The following ADAMTSL1 variants were observed in gnomAD, a reference collection of about 807,000 sequenced individuals.
The protein encoded by ADAMTSL1 is ADAMTS like 1, also known as ADAMTS-like protein 1.
ADAMTSL1 carries 126 observed loss-of-function variants against 201.8 expected under a neutral mutation model. The ratio of observed to expected loss-of-function variants is 0.62; its 90% CI spans 0.54 to 0.72. The LOEUF is 0.72. Among genes scored for constraint, ADAMTSL1 ranks in the 30% least tolerant of loss-of-function variants. The pLI is 0.00. For missense variants in ADAMTSL1, 2,679 were observed against 2,277.8 expected (o/e 1.18, Z -3.59); for synonymous variants, 1,121 against 903.4 (o/e 1.24, Z -4.32).
At chr9:18,311,647 C>T (rs1341448201) in intron 2 of ADAMTSL1, among the ~76,000 whole-genome samples, 2 of 152,070 alleles carry the variant, frequency 1.3e-5, no homozygotes, top group Admixed American at 6.6e-5. Flanking sequence ...TAATGGGATT[C>T]GATGCTGGAA....
intron 1 of ADAMTSL1, among the ~76,000 whole-genome samples, chr9:17,980,497 A>T (rs1213544784): frequency 6.6e-6 from 1 of 151,826 alleles, no homozygotes; most frequent in Non-Finnish European, 1.5e-5. Flanking sequence ...TAGCACTTCT[A>T]CTTGACTTCT....
chr9:18,461,296 CTT>C (rs1369946749), intron 2 of ADAMTSL1, among the ~76,000 whole-genome samples: 1 of 151,972 alleles, frequency 6.6e-6, no homozygotes, highest in Non-Finnish European at 1.5e-5. Flanking sequence ...ATCTTTTTCT[CTT>C]TAATTTTGTG....
chr9:18,777,710 C>T lies in ADAMTSL1; in HGVS notation c.3481C>T (p.His1161Tyr), dbSNP rs1184446235. ...GDAGGGSRRPHRKPTILRKIS... is the reference protein window; with the variant it reads ...GDAGGGSRRPYRKPTILRKIS... The stretch of plus-strand genomic sequence containing the variant: ...CGCCGGGGGAGGCTCTCGAAGGCCA[C>T]ACCGCAAGCCCACCATCCTGCGCAA... Residue 1161 changes from histidine to tyrosine, a missense_variant, in exon 19 of 29, where the codon CAC (histidine) becomes TAC (tyrosine). Transcript: ENST00000380548. 1.9e-6 allele frequency: 3 copies of T among 1,613,434 alleles called. No homozygotes were observed. In the Admixed American group the frequency reaches 5.0e-5, roughly 27 times the overall value.
At chr9:18,391,643 T>C (rs1354639948) in intron 2 of ADAMTSL1, among the ~76,000 whole-genome samples, 1 of 152,120 alleles carries the variant, frequency 6.6e-6, no homozygotes, top group African/African-American at 2.4e-5. Context: ...GAATATTTCA[T>C]GCTTCTTCCA....
chr9:18,125,375 T>C (rs940233174), intron 1 of ADAMTSL1, among the ~76,000 whole-genome samples: 9 of 151,878 alleles, frequency 5.9e-5, no homozygotes, highest in Admixed American at 5.2e-4. Context: ...CATGTGGGAG[T>C]TGTGGGAGTT....
chr9:18,552,477 T>A (rs1011893501), intron 3 of ADAMTSL1, among the ~76,000 whole-genome samples: 4 of 151,850 alleles, frequency 2.6e-5, no homozygotes, highest in Non-Finnish European at 5.9e-5. Context: ...TGAGATTTTG[T>A]TTGATGACCT....
intron 1 of ADAMTSL1, among the ~76,000 whole-genome samples, chr9:18,155,488 T>C (rs543283435): frequency 6.6e-6 from 1 of 152,184 alleles, no homozygotes; most frequent in Non-Finnish European, 1.5e-5. Context: ...ATGGGCCTCA[T>C]GTGGTCCCGG....
intron 1 of ADAMTSL1, among the ~76,000 whole-genome samples, chr9:17,914,345 T>G (rs899286400): frequency 2.0e-5 from 3 of 152,204 alleles, no homozygotes; most frequent in African/African-American, 7.2e-5. Context: ...GTTTCATCCC[T>G]GGGATGCAAG....
At chr9:18,544,747 T>C (rs1024342409) in intron 3 of ADAMTSL1, among the ~76,000 whole-genome samples, 1 of 152,252 alleles carries the variant, frequency 6.6e-6, no homozygotes, top group African/African-American at 2.4e-5. Flanking sequence ...GAATGCCTAC[T>C]TGGCCAACCC....
chr9:18,734,587 ATACAAACAGT>A (rs1206372688), intron 15 of ADAMTSL1, among the ~76,000 whole-genome samples: 8 of 152,212 alleles, frequency 5.3e-5, no homozygotes, highest in Non-Finnish European at 1.2e-4. Flanking sequence ...GGAAACCAGT[ATACAAACAGT>A]TACAAGGCAG....
At chr9:18,236,229 C>T (rs963086179) in intron 2 of ADAMTSL1, among the ~76,000 whole-genome samples, 4 of 152,146 alleles carry the variant, frequency 2.6e-5, no homozygotes, top group Admixed American at 2.6e-4. Context: ...CACCACCACG[C>T]CCGACTAATT....
chr9:18,198,463 C>G, intron 2 of ADAMTSL1, among the ~76,000 whole-genome samples: 1 of 149,910 alleles, frequency 6.7e-6, no homozygotes, highest in East Asian at 1.9e-4. Flanking sequence ...TGAACAGACA[C>G]TTCTCAAAAG....
chr9:18,298,820 G>A (rs1231570805), intron 2 of ADAMTSL1, among the ~76,000 whole-genome samples: 3 of 151,868 alleles, frequency 2.0e-5, no homozygotes, highest in Non-Finnish European at 2.9e-5. Context: ...TCAGGAGATC[G>A]AGACCACGGT....
chr9:18,394,028 G>C (rs1408762074), intron 2 of ADAMTSL1, among the ~76,000 whole-genome samples: 1 of 152,212 alleles, frequency 6.6e-6, no homozygotes, highest in Non-Finnish European at 1.5e-5. Context: ...ATCATGGAAA[G>C]TAATAAAGCC....
At chr9:17,947,595 C>T (rs1055753988) in intron 1 of ADAMTSL1, among the ~76,000 whole-genome samples, 15 of 151,866 alleles carry the variant, frequency 9.9e-5, no homozygotes, top group South Asian at 6.2e-4. Context: ...CAATATTGTC[C>T]GCCACTTAAG....
At chr9:18,636,895 G>A (rs529750311) in intron 6 of ADAMTSL1, among the ~76,000 whole-genome samples, 19 of 152,184 alleles carry the variant, frequency 1.2e-4, no homozygotes, top group Middle Eastern at 3.4e-3. Context: ...GCCATCTATC[G>A]TCTGTCCTTT....
chr9:18,777,646 T>G lies in ADAMTSL1; in HGVS notation c.3417T>G (p.Ser1139=), dbSNP rs1188401116. ...CTCTCTCGCCTCATAAACACGTGTC[T>G]GGCTTCAGCAGCTCCCTGCGGACCT... ...PVTLSPHKHV[S]GFSSSLRTSS... is the part of the protein sequence containing the mutation. The change falls in exon 19 of 29, where the codon TCT becomes TCG. Residue 1139 remains serine (S), a synonymous_variant. Transcript: ENST00000380548. 6.2e-6 allele frequency: 10 copies of G among 1,613,692 alleles called. No individual in the cohort carries two copies. The highest frequency in any genetic ancestry group is 8.5e-6 in the Non-Finnish European group (10 of 1,179,820).
chr9:17,939,322 C>A (rs966438483), intron 1 of ADAMTSL1, among the ~76,000 whole-genome samples: 1 of 151,500 alleles, frequency 6.6e-6, no homozygotes, highest in African/African-American at 2.4e-5. Context: ...CTCTCACAAC[C>A]ACCATCTAGT....
chr9:18,514,073 A>C (rs1042265175), intron 2 of ADAMTSL1, among the ~76,000 whole-genome samples: 2 of 152,212 alleles, frequency 1.3e-5, no homozygotes, highest in Admixed American at 1.3e-4. Flanking sequence ...TCTATAGATC[A>C]CATTGGGTAA....
Sources: allele counts gnomAD v4.1 joint callset (sites outside exome capture counted in the v4.1 genomes callset), GRCh38; gene constraint gnomAD v4.1.1; transcripts MANE v1.5; gene names NCBI Gene and HGNC (gene_info 2026-07-23, HGNC 2026-07-21).